Variants in RNGTT observed in about 807,000 individuals in gnomAD.
The protein encoded by RNGTT is RNA guanylyltransferase and 5'-phosphatase, also known as mRNA-capping enzyme.
In RNGTT, 33 loss-of-function variants were observed where a neutral mutation model predicts 79.3. That is an observed-to-expected ratio of 0.42 (90% CI 0.32 to 0.56). RNGTT has a LOEUF of 0.56. Among genes scored for constraint, RNGTT ranks in the 20% least tolerant of loss-of-function variants. The pLI is 0.17. For missense variants in RNGTT, 497 were observed against 739.1 expected (o/e 0.67, Z 3.80); for synonymous variants, 222 against 235.9 (o/e 0.94, Z 0.54).
chr6:88,913,214 C>CAAAAAAAAAAAAAAA (rs58717773), intron 4 of RNGTT, among the ~76,000 whole-genome samples: 1 of 65,524 alleles, frequency 1.5e-5, no homozygotes. Context: ...CAAAAAAAAA[C>CAAAAAAAAAAAAAAA]AAAAAAAAAA....
intron 14 of RNGTT, among the ~76,000 whole-genome samples, chr6:88,662,967 T>G (rs1317027702): frequency 6.6e-6 from 1 of 152,202 alleles, no homozygotes; most frequent in Admixed American, 6.5e-5. Flanking sequence ...TTTGACTAGA[T>G]TTGAACTGTT....
At chr6:88,928,792 T>C (rs545652051) in intron 4 of RNGTT, among the ~76,000 whole-genome samples, 193 bp downstream of exon 4, 1 of 152,298 alleles carries the variant, frequency 6.6e-6, no homozygotes, top group East Asian at 1.9e-4. Flanking sequence ...CAGGGCTTTA[T>C]CTAGAAAAAT....
At chr6:88,873,852 TTAA>T (rs1368914948) in intron 8 of RNGTT, among the ~76,000 whole-genome samples, 2 of 152,160 alleles carry the variant, frequency 1.3e-5, no homozygotes, top group Non-Finnish European at 2.9e-5. Flanking sequence ...ACTACTACCA[TTAA>T]TAATAAGATA....
chr6:88,850,880 G>A (rs760479643), intron 9 of RNGTT, among the ~76,000 whole-genome samples: 26 of 151,914 alleles, frequency 1.7e-4, no homozygotes, highest in African/African-American at 4.3e-4. Context: ...ACACAGGCAC[G>A]CTTCAGATAT....
chr6:88,952,909 C>T lies in RNGTT; in HGVS notation c.64+10437G>A, dbSNP rs73489974. On this transcript the variant is annotated intron_variant, in intron 1 of 15. Coordinates refer to ENST00000369485, the MANE Select transcript of RNGTT (RefSeq NM_003800.5). ...TCTCAGGAAGCCCCAAGCCCCATCC[C>T]TAGAGGAAGGGAGAGAGCACAACAT... Among the ~76,000 whole-genome samples the T allele has an allele frequency of 2.9e-3, 442 of 152,290 alleles. 1 individual carries two copies. Among genetic ancestry groups the T allele is most frequent in the African/African-American group, 0.01 (428 of 41,552 alleles).
At chr6:88,710,373 C>T (rs1469081009) in intron 13 of RNGTT, among the ~76,000 whole-genome samples, 4 of 152,116 alleles carry the variant, frequency 2.6e-5, no homozygotes, top group African/African-American at 7.2e-5. Context: ...GCCTAAAATC[C>T]TAAGTAGTTC....
At chr6:88,771,645 A>G (rs554721288) in intron 12 of RNGTT, among the ~76,000 whole-genome samples, 5 of 152,216 alleles carry the variant, frequency 3.3e-5, no homozygotes, top group African/African-American at 1.2e-4. Flanking sequence ...AAGAAATGAC[A>G]TCTTAACCAA....
chr6:88,742,717 C>T (rs948921464), intron 13 of RNGTT, among the ~76,000 whole-genome samples: 6 of 152,238 alleles, frequency 3.9e-5, no homozygotes, highest in East Asian at 3.9e-4. Context: ...TATTAGATTA[C>T]ATTACAATAG....
At chr6:88,741,199 T>A (rs1347153640) in intron 13 of RNGTT, among the ~76,000 whole-genome samples, 1 of 152,108 alleles carries the variant, frequency 6.6e-6, no homozygotes, top group Non-Finnish European at 1.5e-5. Context: ...TCGACATAGG[T>A]GCCCATCAAC....
At chr6:88,934,700 G>T (rs9342174) in intron 2 of RNGTT, among the ~76,000 whole-genome samples, 6,243 of 152,084 alleles carry the variant, frequency 0.041, 188 homozygotes, top group African/African-American at 0.076. Context: ...GAGTACAGTG[G>T]TGTGAATATG....
chr6:88,949,065 C>T (rs1785135562), intron 1 of RNGTT, among the ~76,000 whole-genome samples: 1 of 120,306 alleles, frequency 8.3e-6, no homozygotes, highest in Admixed American at 8.8e-5. Flanking sequence ...GTCCCATGAC[C>T]CTGCCAAATC....
intron 13 of RNGTT, among the ~76,000 whole-genome samples, chr6:88,704,669 A>G (rs35966991): frequency 0.027 from 4,107 of 152,294 alleles, 183 homozygotes; most frequent in African/African-American, 0.094. Context: ...GAACATAATC[A>G]AATCTAAGTG....
intron 13 of RNGTT, among the ~76,000 whole-genome samples, chr6:88,753,646 C>T (rs898420003): frequency 1.3e-5 from 2 of 151,814 alleles, no homozygotes; most frequent in African/African-American, 4.8e-5. Context: ...TATTAATCCA[C>T]CCAAAATGCA....
intron 4 of RNGTT, among the ~76,000 whole-genome samples, chr6:88,917,913 A>G (rs1394578704): frequency 6.6e-6 from 1 of 152,130 alleles, no homozygotes; most frequent in Non-Finnish European, 1.5e-5. Context: ...ATGAACCATG[A>G]TGGGCTTCAA....
chr6:88,958,503 G>A (rs200659935), intron 1 of RNGTT, among the ~76,000 whole-genome samples: 2 of 151,964 alleles, frequency 1.3e-5, no homozygotes, highest in Non-Finnish European at 2.9e-5. Context: ...GAATCTACAA[G>A]GAACTGAAAC....
In RNGTT at chr6:88,683,515, C is replaced by T. The variant is rs1033514613; in HGVS notation, c.1440-5096G>A. Reference sequence around the variant, plus strand: ...TCTACCAAAATTAATTCTAATTACACACAAATTTTTCCAGAAAATAGAAAA... The same window carrying T: ...TCTACCAAAATTAATTCTAATTACATACAAATTTTTCCAGAAAATAGAAAA... On this transcript the variant is annotated intron_variant, in intron 13 of 15. Coordinates refer to ENST00000369485, the MANE Select transcript of RNGTT (RefSeq NM_003800.5). 3.9e-5 allele frequency among the ~76,000 whole-genome samples: 6 copies of T among 152,236 alleles called. No individual in the cohort carries two copies. In the East Asian group the frequency reaches 5.8e-4, roughly 15 times the overall value.
intron 8 of RNGTT, among the ~76,000 whole-genome samples, chr6:88,886,678 G>T (rs1782872982): frequency 1.3e-5 from 2 of 152,096 alleles, no homozygotes; most frequent in Non-Finnish European, 2.9e-5. Flanking sequence ...ATTTTTAAAA[G>T]TATGAGTTTA....
intron 6 of RNGTT, among the ~76,000 whole-genome samples, chr6:88,893,029 T>A (rs1783101133): frequency 6.6e-6 from 1 of 152,024 alleles, no homozygotes; most frequent in African/African-American, 2.4e-5. Flanking sequence ...GATCAAAGAG[T>A]ACCATCCCTC....
In RNGTT at chr6:88,757,712, AAGT is replaced by A. The variant is rs1778067299; in HGVS notation, c.1439+12059_1439+12061del. ...TAAATTTTCTGATTAAATTCAATGA[AAGT>A]AGGAACAAATAACAAAACATAACAA... On this transcript the variant is annotated intron_variant, in intron 13 of 15. Coordinates refer to ENST00000369485, the MANE Select transcript of RNGTT (RefSeq NM_003800.5). 3.3e-5 allele frequency among the ~76,000 whole-genome samples: 5 copies of A among 152,334 alleles called. No homozygotes were observed. In the South Asian group the frequency reaches 1.0e-3, roughly 32 times the overall value.
Sources: allele counts gnomAD v4.1 joint callset (sites outside exome capture counted in the v4.1 genomes callset), GRCh38; gene constraint gnomAD v4.1.1; transcripts MANE v1.5; gene names NCBI Gene and HGNC (gene_info 2026-07-23, HGNC 2026-07-21).